MKLN1: variants seen among roughly 807,000 people sequenced by gnomAD.
The protein encoded by MKLN1 is muskelin.
Under a neutral mutation model 99.0 loss-of-function variants are expected in MKLN1, and 18 were observed. The observed-to-expected ratio is 0.18, with a 90% confidence interval of 0.13 to 0.27. The LOEUF (loss-of-function observed/expected upper bound fraction) is 0.27. Ranked by LOEUF, MKLN1 falls within the 10% of genes least tolerant of loss-of-function variation. The probability of loss-of-function intolerance (pLI) is 1.00; values close to 1 mark genes in which losing one functional copy is unlikely to be tolerated. For synonymous variants in MKLN1, 288 were observed against 293.2 expected (o/e 0.98, Z 0.18); for missense variants, 621 against 875.9 (o/e 0.71, Z 3.67).
chr7:131,154,808 T>C (rs1420190590), intron 2 of MKLN1, among the ~76,000 whole-genome samples: 1 of 152,164 alleles, frequency 6.6e-6, no homozygotes, highest in Non-Finnish European at 1.5e-5. Flanking sequence ...CAATTGTGTA[T>C]TTATCATTTC....
chr7:131,255,388 G>A (rs1797643030), intron 3 of MKLN1, among the ~76,000 whole-genome samples: 1 of 152,138 alleles, frequency 6.6e-6, no homozygotes, highest in Non-Finnish European at 1.5e-5. Context: ...CTTAAAAGCA[G>A]CAAGGGAAAA....
intron 2 of MKLN1, among the ~76,000 whole-genome samples, chr7:131,147,217 A>ATTTTTTTTTTTTT (rs71168371): frequency 2.2e-5 from 3 of 136,316 alleles, no homozygotes; most frequent in East Asian, 2.2e-4. Flanking sequence ...ACACCCAGCT[A>ATTTTTTTTTTTTT]TTTTTTTTTT....
At chr7:131,311,851 G>T (rs1421065914) in intron 3 of MKLN1, among the ~76,000 whole-genome samples, 3 of 151,490 alleles carry the variant, frequency 2.0e-5, no homozygotes, top group Non-Finnish European at 4.4e-5. Context: ...TACTTAAAAG[G>T]TGAACTTTTT....
intron 8 of MKLN1, among the ~76,000 whole-genome samples, chr7:131,428,380 A>G (rs574996250): frequency 2.8e-4 from 43 of 152,298 alleles, no homozygotes; most frequent in Non-Finnish European, 4.1e-4. Context: ...GTACCACAAT[A>G]TATCTGGAAA....
chr7:131,457,964 T>C (rs560560250), intron 12 of MKLN1, among the ~76,000 whole-genome samples: 1 of 152,272 alleles, frequency 6.6e-6, no homozygotes, highest in African/African-American at 2.4e-5. Context: ...GAGATACATT[T>C]CTTAAAATTC....
At chr7:131,226,672 A>T (rs1392232955) in intron 3 of MKLN1, among the ~76,000 whole-genome samples, 1 of 152,186 alleles carries the variant, frequency 6.6e-6, no homozygotes, top group Non-Finnish European at 1.5e-5. Flanking sequence ...TTTTTGGTTG[A>T]TGAAGTTGTC....
intron 1 of MKLN1, among the ~76,000 whole-genome samples, chr7:131,341,686 G>A (rs576776176): frequency 6.6e-6 from 1 of 152,208 alleles, no homozygotes; most frequent in Admixed American, 6.5e-5. Context: ...GAATGAAATT[G>A]TTCCATTTCA....
intron 1 of MKLN1, among the ~76,000 whole-genome samples, chr7:131,339,319 A>C (rs1799338461): frequency 6.6e-6 from 1 of 152,224 alleles, no homozygotes; most frequent in African/African-American, 2.4e-5. Context: ...AGTTGTTTTA[A>C]ATGCTTATTA....
chr7:131,307,949 C>T (rs1049991324), intron 3 of MKLN1, among the ~76,000 whole-genome samples: 2 of 152,116 alleles, frequency 1.3e-5, no homozygotes, highest in African/African-American at 4.8e-5. Flanking sequence ...TGGCCCTGTG[C>T]CCCCACCCAA....
intron 2 of MKLN1, among the ~76,000 whole-genome samples, chr7:131,182,298 T>C (rs1327779516): frequency 2.0e-5 from 3 of 152,202 alleles, no homozygotes; most frequent in Admixed American, 6.5e-5. Context: ...CTTTCAGGAA[T>C]AGGGTTTGAA....
At chr7:131,474,342 G>T (rs1042525760) in intron 16 of MKLN1, among the ~76,000 whole-genome samples, 1 of 152,180 alleles carries the variant, frequency 6.6e-6, no homozygotes, top group Non-Finnish European at 1.5e-5. Flanking sequence ...TGGGGAACTG[G>T]TTTGTGGGGA....
intron 3 of MKLN1, among the ~76,000 whole-genome samples, chr7:131,254,188 C>T (rs988466428): frequency 2.6e-5 from 4 of 152,168 alleles, no homozygotes; most frequent in African/African-American, 9.6e-5. Context: ...GTGCACATGA[C>T]CAACCCTGTA....
intron 3 of MKLN1, among the ~76,000 whole-genome samples, chr7:131,203,748 T>C (rs1422577781): frequency 6.6e-6 from 1 of 152,192 alleles, no homozygotes; most frequent in African/African-American, 2.4e-5. Context: ...GAGAGTCGGC[T>C]TCTCATAGCC....
At chr7:131,396,212 A>G (rs1267418379) in intron 4 of MKLN1, among the ~76,000 whole-genome samples, 1 of 152,156 alleles carries the variant, frequency 6.6e-6, no homozygotes, top group African/African-American at 2.4e-5. Flanking sequence ...AGCTGGGATT[A>G]TAGGCGCACG....
At chr7:131,374,430 A>G (rs547424273) in intron 1 of MKLN1, among the ~76,000 whole-genome samples, 1 of 152,242 alleles carries the variant, frequency 6.6e-6, no homozygotes, top group South Asian at 2.1e-4. Flanking sequence ...CACTGATGTC[A>G]CTGATTCTAA....
intron 2 of MKLN1, among the ~76,000 whole-genome samples, chr7:131,188,105 A>C (rs536486404): frequency 2.6e-5 from 4 of 152,346 alleles, no homozygotes; most frequent in South Asian, 2.1e-4. Flanking sequence ...TCGAATTTTA[A>C]AAATTCACCA....
At chr7:131,317,358 CT>C (rs1222657237) in intron 3 of MKLN1, among the ~76,000 whole-genome samples, 2 of 152,156 alleles carry the variant, frequency 1.3e-5, no homozygotes, top group Non-Finnish European at 2.9e-5. Flanking sequence ...CCAAACTAAG[CT>C]TCTTAAGCAA....
chr7:131,429,816 G>T (rs1584734156), intron 9 of MKLN1, among the ~76,000 whole-genome samples: 1 of 152,074 alleles, frequency 6.6e-6, no homozygotes, highest in Non-Finnish European at 1.5e-5. Flanking sequence ...TCCTGACCTC[G>T]TGATCCACCC....
At chr7:131,213,492 C>G (rs1342442567) in intron 3 of MKLN1, among the ~76,000 whole-genome samples, 1 of 152,158 alleles carries the variant, frequency 6.6e-6, no homozygotes, top group Non-Finnish European at 1.5e-5. Context: ...AGTCTGTCAA[C>G]CTTGTATTAT....
Sources: allele counts gnomAD v4.1 joint callset (sites outside exome capture counted in the v4.1 genomes callset), GRCh38; gene constraint gnomAD v4.1.1; transcripts MANE v1.5; gene names NCBI Gene and HGNC (gene_info 2026-07-23, HGNC 2026-07-21).